The following ACAD11 variants were observed in gnomAD, a reference collection of about 807,000 sequenced individuals.
The protein encoded by ACAD11 is acyl-Coenzyme A dehydrogenase family, member 11.
Under a neutral mutation model 102.2 loss-of-function variants are expected in ACAD11, and 83 were observed. That is an observed-to-expected ratio of 0.81 (90% CI 0.68 to 0.97). The LOEUF (loss-of-function observed/expected upper bound fraction) is 0.97. Ranked by LOEUF, ACAD11 falls within the 50% of genes least tolerant of loss-of-function variation. ACAD11 has a pLI of 0.00. For synonymous variants in ACAD11, 324 were observed against 319.8 expected, an observed-to-expected ratio of 1.01 and a Z score of -0.14; for missense variants, 901 against 951.7, an observed-to-expected ratio of 0.95 and a Z score of 0.70.
At chr3:132,605,076 G>T in intron 12 of ACAD11, 22 bp downstream of exon 12, 1 of 1,554,752 alleles carries the variant, frequency 6.4e-7, no homozygotes, top group South Asian at 1.1e-5. Flanking sequence ...TACACAAGGA[G>T]AGAATGGTGA....
At chr3:132,565,527 C>T (rs1224436032) in intron 17 of ACAD11, among the ~76,000 whole-genome samples, 1 of 152,190 alleles carries the variant, frequency 6.6e-6, no homozygotes. Flanking sequence ...CAGTATAAAA[C>T]TGTTCAGGTT....
At chr3:132,657,721 A>G (rs1276757480) in intron 1 of ACAD11, among the ~76,000 whole-genome samples, 1 of 152,204 alleles carries the variant, frequency 6.6e-6, no homozygotes, top group Non-Finnish European at 1.5e-5. Flanking sequence ...AGAGAAATGC[A>G]GTTGATTTCT....
intron 1 of ACAD11, among the ~76,000 whole-genome samples, chr3:132,645,217 C>T (rs1940673431): frequency 6.6e-6 from 1 of 152,128 alleles, no homozygotes; most frequent in African/African-American, 2.4e-5. Context: ...AATGACTGAT[C>T]TAAGTAAATA....
At chr3:132,629,890 GA>G (rs57789559) in intron 7 of ACAD11, among the ~76,000 whole-genome samples, 5 of 151,746 alleles carry the variant, frequency 3.3e-5, no homozygotes, top group African/African-American at 1.2e-4. Context: ...AATGTAATTA[GA>G]AAAAAACCCT....
intron 16 of ACAD11, 90 bp downstream of exon 16, chr3:132,576,854 G>C (rs943391783): frequency 8.6e-6 from 8 of 935,080 alleles, no homozygotes; most frequent in Non-Finnish European, 1.3e-5. Context: ...GTAGACTTCA[G>C]GTCTAAATCT....
chr3:132,566,304 C>CA (rs1210045595), intron 17 of ACAD11, among the ~76,000 whole-genome samples: 4 of 135,832 alleles, frequency 2.9e-5, no homozygotes, highest in Middle Eastern at 3.8e-3. Context: ...CTCAAAAAAA[C>CA]AAAAAAAAAA....
intron 12 of ACAD11, among the ~76,000 whole-genome samples, chr3:132,603,737 C>T (rs1938716666): frequency 6.6e-6 from 1 of 152,176 alleles, no homozygotes; most frequent in Admixed American, 6.5e-5. Context: ...TCTAATGTGC[C>T]TTGCAAATTC....
At chr3:132,650,147 G>T (rs770274528) in intron 1 of ACAD11, 5 of 152,102 alleles carry the variant, frequency 3.3e-5, no homozygotes, top group Non-Finnish European at 7.4e-5. Flanking sequence ...AATGAGAGAC[G>T]GCAAAGCAGA....
intron 17 of ACAD11, among the ~76,000 whole-genome samples, chr3:132,564,112 T>A (rs1026550296): frequency 6.6e-6 from 1 of 152,244 alleles, no homozygotes; most frequent in African/African-American, 2.4e-5. Flanking sequence ...GTTATAGACA[T>A]GAATCAGGCT....
intron 1 of ACAD11, chr3:132,646,565 G>C (rs1940725490): frequency 1.3e-5 from 2 of 152,204 alleles, no homozygotes; most frequent in Admixed American, 6.5e-5. Context: ...TGAAGATAGA[G>C]TGACCCAGCA....
intron 11 of ACAD11, among the ~76,000 whole-genome samples, chr3:132,610,422 A>G (rs1939083357): frequency 6.6e-6 from 1 of 152,170 alleles, no homozygotes; most frequent in Non-Finnish European, 1.5e-5. Flanking sequence ...CAAAAAACCA[A>G]CGAATCCAGG....
intron 5 of ACAD11, among the ~76,000 whole-genome samples, chr3:132,634,798 C>T (rs1407984875): frequency 4.0e-5 from 6 of 150,696 alleles, no homozygotes; most frequent in South Asian, 2.1e-4. Context: ...AGCAAACTAT[C>T]GCAAGGACAA....
rs1028237023 is a variant in ACAD11, at chr3:132,623,624, C to T, written c.1197+3067G>A. Among the ~76,000 whole-genome samples, 5 of 152,200 alleles carry T rather than the reference C, an allele frequency of 3.3e-5. No individual in the cohort carries two copies. The South Asian group carries it at 1.0e-3, about 32-fold the overall frequency. On this transcript the variant is annotated intron_variant, in intron 9 of 19. Coordinates refer to ENST00000264990, the MANE Select transcript of ACAD11 (RefSeq NM_032169.5). Reference sequence around the variant, plus strand: ...AATGATTGTGGCTTTTCTGGTCACACAAAACATTGGCAATCTTCCCTTTAA... The same window carrying T: ...AATGATTGTGGCTTTTCTGGTCACATAAAACATTGGCAATCTTCCCTTTAA...
intron 11 of ACAD11, among the ~76,000 whole-genome samples, chr3:132,614,166 A>G (rs1372870484): frequency 6.6e-6 from 1 of 152,198 alleles, no homozygotes; most frequent in Non-Finnish European, 1.5e-5. Flanking sequence ...GCTCAAGGAA[A>G]TAAGACAGGA....
At chr3:132,627,240 G>A (rs1939858572) in intron 8 of ACAD11, among the ~76,000 whole-genome samples, 1 of 152,172 alleles carries the variant, frequency 6.6e-6, no homozygotes, top group Admixed American at 6.5e-5. Context: ...GGTATTCAAT[G>A]TGTGAGGTGG....
chr3:132,591,393 T>C (rs1168217942), intron 13 of ACAD11, among the ~76,000 whole-genome samples: 2 of 152,176 alleles, frequency 1.3e-5, no homozygotes, highest in Non-Finnish European at 2.9e-5. Context: ...TTTCTTTCTC[T>C]ACTTTCCATT....
intron 4 of ACAD11, among the ~76,000 whole-genome samples, chr3:132,641,698 G>GGAAGAAGAA (rs199597510): frequency 8.6e-4 from 100 of 116,664 alleles, no homozygotes; most frequent in South Asian, 5.4e-3. Context: ...AAGAGGAAGA[G>GGAAGAAGAA]GAAGAAGAAG....
chr3:132,598,356 A>G (rs962522438), intron 13 of ACAD11, among the ~76,000 whole-genome samples: 9 of 152,230 alleles, frequency 5.9e-5, no homozygotes, highest in African/African-American at 2.2e-4. Context: ...CTGGCATACT[A>G]TCTATCCATT....
chr3:132,608,420 A>T (rs1938955970), intron 11 of ACAD11, among the ~76,000 whole-genome samples: 1 of 152,308 alleles, frequency 6.6e-6, no homozygotes, highest in Middle Eastern at 3.4e-3. Context: ...AAATAAAGGG[A>T]TGGAGGAAGA....
Sources: allele counts gnomAD v4.1 joint callset (sites outside exome capture counted in the v4.1 genomes callset), GRCh38; gene constraint gnomAD v4.1.1; transcripts MANE v1.5; gene names NCBI Gene and HGNC (gene_info 2026-07-23, HGNC 2026-07-21).